Variants in MAP3K7CL observed in about 807,000 individuals in gnomAD.
The protein encoded by MAP3K7CL is MAP3K7 C-terminal like.
In MAP3K7CL, 16 loss-of-function variants were observed where a neutral mutation model predicts 18.6. The ratio of observed to expected loss-of-function variants is 0.86; its 90% CI spans 0.58 to 1.31. MAP3K7CL has a LOEUF of 1.31. MAP3K7CL is among the 50% of genes most tolerant of loss of function. The pLI is 0.00. For missense variants in MAP3K7CL, 163 were observed against 174.4 expected (o/e 0.93, Z 0.37); for synonymous variants, 65 against 66.8 (o/e 0.97, Z 0.13).
At chr21:29,167,693 A>ATTT (rs35549023) in intron 4 of MAP3K7CL, among the ~76,000 whole-genome samples, 2 of 107,520 alleles carry the variant, frequency 1.9e-5, no homozygotes, top group Admixed American at 1.0e-4. Context: ...AGAAGGACCA[A>ATTT]TTTTTTTTTT....
rs372893797 is a variant in MAP3K7CL, at chr21:29,174,723, T to C, written c.260T>C (p.Ile87Thr). 6.2e-6 allele frequency: 10 copies of C among 1,614,028 alleles called. No individual in the cohort carries two copies. The highest frequency in any genetic ancestry group is 7.6e-6 in the Non-Finnish European group (9 of 1,180,012). Residue 87 changes from isoleucine (I) to threonine (T), a missense_variant, in exon 5 of 5, where the codon ATT becomes ACT. Ile to Thr is a moderately conservative substitution (Grantham distance 89). Coordinates refer to ENST00000399928, the MANE Select transcript of MAP3K7CL (RefSeq NM_001286620.2). ...CCCCGAATCTTCAGGAAGGAGCTCATTGCCAAGTTAGATCAGGCAGAAAAG... is the reference window on the plus strand; with the variant it reads ...CCCCGAATCTTCAGGAAGGAGCTCACTGCCAAGTTAGATCAGGCAGAAAAG... Reference protein sequence around the residue: ...TLLEQRKKELIAKLDQAEKEK... With the variant: ...TLLEQRKKELTAKLDQAEKEK...
upstream of MAP3K7CL, among the ~76,000 whole-genome samples, chr21:29,128,366 G>A (rs1461095146): frequency 2.6e-5 from 4 of 151,062 alleles, no homozygotes; most frequent in East Asian, 1.9e-4. Context: ...GCAGTGGCAC[G>A]ATTTAGGCTC....
At chr21:29,092,105 G>A in intron 3 of MAP3K7CL, 2 of 367,646 alleles carry the variant, frequency 5.4e-6, no homozygotes, top group South Asian at 5.3e-5. Context: ...GCAAATTTAA[G>A]ATGTTGGTAA....
intron 3 of MAP3K7CL, among the ~76,000 whole-genome samples, chr21:29,157,271 C>T (rs943984516): frequency 6.6e-6 from 1 of 152,188 alleles, no homozygotes; most frequent in East Asian, 1.9e-4. Context: ...CATTAAACAA[C>T]AATTCCTTAT....
chr21:29,115,124 G>A (rs1252639310), intron 4 of MAP3K7CL, among the ~76,000 whole-genome samples: 1 of 152,190 alleles, frequency 6.6e-6, no homozygotes, highest in Non-Finnish European at 1.5e-5. Flanking sequence ...TCCCGCCTCT[G>A]CTGTGGCCTC....
intron 3 of MAP3K7CL, among the ~76,000 whole-genome samples, chr21:29,156,501 A>G (rs1209052632): frequency 6.6e-6 from 1 of 152,194 alleles, no homozygotes; most frequent in Non-Finnish European, 1.5e-5. Flanking sequence ...CTTGAATTCT[A>G]AGAATCGATT....
chr21:29,156,711 A>G lies in MAP3K7CL; in HGVS notation c.133-3230A>G, dbSNP rs562206257. ...ATGGAACAACACATCACATTATTCT[A>G]TAGTGCCACTTTTTGTATTAGGTAT... On this transcript the variant is annotated intron_variant, in intron 3 of 4. Coordinates refer to ENST00000399928, the MANE Select transcript of MAP3K7CL (RefSeq NM_001286620.2). Among the ~76,000 whole-genome samples the G allele has an allele frequency of 2.6e-5, 4 of 152,366 alleles. No individual in the cohort carries two copies. The South Asian group carries it at 8.3e-4, about 32-fold the overall frequency.
chr21:29,093,378 C>CA (rs747073548), intron 4 of MAP3K7CL, among the ~76,000 whole-genome samples: 1 of 152,094 alleles, frequency 6.6e-6, no homozygotes, highest in African/African-American at 2.4e-5. Flanking sequence ...TTACCAAGAG[C>CA]AATAATATTG....
rs895913788 is a variant in MAP3K7CL, at chr21:29,090,012, A to G, written c.58-1489A>G. ...ATTGATATAACCTAATAATTTTGAT[A>G]CTATTCGACCCATTTCCTTGCCTTT... On this transcript the variant is annotated intron_variant, in intron 1 of 6. Transcript: ENST00000286791. Among the ~76,000 whole-genome samples, 20 of 152,218 alleles carry G rather than the reference A, an allele frequency of 1.3e-4. 1 individual carries two copies. Among genetic ancestry groups the G allele is most frequent in the Admixed American group, 1.0e-3 (16 of 15,284 alleles).
chr21:29,117,916 G>A (rs1320192661), intron 4 of MAP3K7CL, among the ~76,000 whole-genome samples: 3 of 151,880 alleles, frequency 2.0e-5, no homozygotes, highest in Non-Finnish European at 2.9e-5. Context: ...TTTTCTTGAC[G>A]ACTGCTGTAA....
At position 29,149,213 on chromosome 21, in the gene MAP3K7CL, T is replaced by C. The variant is rs878950350; in HGVS notation, c.95T>C (p.Ile32Thr). 1 of 1,613,982 alleles carries C rather than the reference T, an allele frequency of 6.2e-7. No homozygotes were observed. Among genetic ancestry groups the C allele is most frequent in the Admixed American group, 1.7e-5 (1 of 60,034 alleles). Reference sequence around the variant, plus strand: ...GATGATACACCCCCTGAAGACTCCATTCCTTTGGTCTTTCCAGAATTAGAC... The same window carrying C: ...GATGATACACCCCCTGAAGACTCCACTCCTTTGGTCTTTCCAGAATTAGAC... ...ASDDTPPEDS[I>T]PLVFPELDQQ... is the part of the protein sequence containing the mutation. The change falls in exon 3 of 5, where the codon ATT (isoleucine) becomes ACT (threonine). Residue 32 changes from isoleucine to threonine, a missense_variant. Transcript: ENST00000399928.
At chr21:29,134,205 T>C (rs1456377234) in intron 2 of MAP3K7CL, among the ~76,000 whole-genome samples, 1 of 152,112 alleles carries the variant, frequency 6.6e-6, no homozygotes, top group East Asian at 1.9e-4. Flanking sequence ...ATAATGCCCA[T>C]GTAGGGATGA....
intron 4 of MAP3K7CL, among the ~76,000 whole-genome samples, chr21:29,095,754 G>T (rs1296494791): frequency 2.0e-5 from 3 of 152,080 alleles, no homozygotes; most frequent in African/African-American, 7.2e-5. Context: ...TCTGGGATGG[G>T]GCTTGAGATT....
intron 4 of MAP3K7CL, among the ~76,000 whole-genome samples, chr21:29,169,325 C>T (rs899492098): frequency 5.3e-5 from 8 of 152,194 alleles, no homozygotes; most frequent in African/African-American, 1.7e-4. Flanking sequence ...GCTTCAACAA[C>T]ATAGTCTAGA....
intron 4 of MAP3K7CL, among the ~76,000 whole-genome samples, chr21:29,172,219 A>G: frequency 6.8e-6 from 1 of 148,110 alleles, no homozygotes; most frequent in East Asian, 2.0e-4. Flanking sequence ...TCAGAATAGC[A>G]CATTGCCTGT....
intron 4 of MAP3K7CL, among the ~76,000 whole-genome samples, chr21:29,118,094 A>C (rs899062685): frequency 7.0e-5 from 10 of 142,904 alleles, no homozygotes; most frequent in Non-Finnish European, 3.0e-5. Context: ...AAATTAAAAA[A>C]ATTTTTTTTG....
chr21:29,112,025 G>A (rs560737665), intron 4 of MAP3K7CL, among the ~76,000 whole-genome samples: 2 of 152,160 alleles, frequency 1.3e-5, no homozygotes, highest in East Asian at 1.9e-4. Context: ...GGTCAGGCAC[G>A]GTGGCTCACA....
intron 3 of MAP3K7CL, among the ~76,000 whole-genome samples, chr21:29,158,301 T>C (rs937496760): frequency 6.6e-6 from 1 of 152,196 alleles, no homozygotes; most frequent in African/African-American, 2.4e-5. Flanking sequence ...TGGGGCGAGT[T>C]ATACTGTAGT....
At chr21:29,154,976 T>C (rs1056421849) in intron 3 of MAP3K7CL, among the ~76,000 whole-genome samples, 1 of 152,242 alleles carries the variant, frequency 6.6e-6, no homozygotes, top group Non-Finnish European at 1.5e-5. Flanking sequence ...CTTTTGATAT[T>C]GTTTATGTCA....
Sources: allele counts gnomAD v4.1 joint callset (sites outside exome capture counted in the v4.1 genomes callset), GRCh38; gene constraint gnomAD v4.1.1; transcripts MANE v1.5; gene names NCBI Gene and HGNC (gene_info 2026-07-23, HGNC 2026-07-21).